The following SLC28A3 variants were observed in gnomAD, a reference collection of about 807,000 sequenced individuals.
SLC28A3 encodes the protein solute carrier family 28 member 3.
Under a neutral mutation model 84.2 loss-of-function variants are expected in SLC28A3, and 68 were observed. That is an observed-to-expected ratio of 0.81 (90% confidence interval 0.66 to 0.99). The LOEUF (loss-of-function observed/expected upper bound fraction) is 0.99, where lower values mean the gene tolerates loss of function less well. Among genes scored for constraint, SLC28A3 ranks in the 50% least tolerant of loss-of-function variants. The probability of loss-of-function intolerance (pLI) is 0.00; values close to 1 mark genes in which losing one functional copy is unlikely to be tolerated. For synonymous variants in SLC28A3, 267 were observed against 303.6 expected (o/e 0.88, Z 1.25); for missense variants, 712 against 841.5 (o/e 0.85, Z 1.90).
intron 9 of SLC28A3, 37 bp from the exon 10 acceptor site, chr9:84,292,785 T>C: frequency 1.4e-6 from 2 of 1,458,778 alleles, no homozygotes; most frequent in Non-Finnish European, 1.8e-6. Flanking sequence ...GCAAAGAACT[T>C]TTTGTATACC....
chr9:84,281,254 C>T (rs79594825), intron 14 of SLC28A3, among the ~76,000 whole-genome samples: 2,634 of 152,220 alleles, frequency 0.017, 73 homozygotes, highest in African/African-American at 0.053. Flanking sequence ...AAAATATTCA[C>T]ATTACATTTA....
Position 84,292,678 on chromosome 9 carries a change from A to G in SLC28A3, c.1013T>C (p.Phe338Ser). Residue 338 changes from phenylalanine to serine, a missense_variant, in exon 10 of 18, where the codon TTT becomes TCT. Transcript: ENST00000376238. Reference protein sequence around the residue: ...IESVVASGNIFVGQTESPLLV... With the variant: ...IESVVASGNISVGQTESPLLV... Reference sequence around the variant, plus strand: ...GATATTACAACTTACTTGTCCAACAAATATATTGCCAGAAGCAACTACAGA... The same window carrying G: ...GATATTACAACTTACTTGTCCAACAGATATATTGCCAGAAGCAACTACAGA... 6.2e-7 allele frequency: 1 copy of G among 1,609,408 alleles called. No individual in the cohort carries two copies.
chr9:84,351,870 C>A, the SLC28A3 span, among the ~76,000 whole-genome samples: 1 of 147,532 alleles, frequency 6.8e-6, no homozygotes. Context: ...ATTTTACTCC[C>A]AAAGGGTTCA....
At chr9:84,350,242 G>C in the SLC28A3 span, among the ~76,000 whole-genome samples, 1 of 152,180 alleles carries the variant, frequency 6.6e-6, no homozygotes, top group African/African-American at 2.4e-5. Context: ...TGGAGTTCAA[G>C]ACCAGCCTGA....
intron 3 of SLC28A3, 106 bp downstream of exon 3, chr9:84,309,523 C>CAAAAAAAAAAAAAAA (rs71366931): frequency 1.3e-5 from 3 of 239,276 alleles, no homozygotes; most frequent in African/African-American, 1.1e-4. Context: ...ACTCTTATCT[C>CAAAAAAAAAAAAAAA]AAAAAAAAAA....
intron 1 of SLC28A3, among the ~76,000 whole-genome samples, chr9:84,337,690 T>C (rs1827029961): frequency 1.3e-5 from 2 of 152,220 alleles, no homozygotes; most frequent in African/African-American, 4.8e-5. Context: ...GCAAACGTCT[T>C]ATTTGCAACT....
At chr9:84,366,234 T>C in the SLC28A3 span, among the ~76,000 whole-genome samples, 1 of 152,112 alleles carries the variant, frequency 6.6e-6, no homozygotes. Flanking sequence ...GAATTTCTGC[T>C]TATTTTAAAC....
chr9:84,281,958 T>G (rs1391511331), intron 14 of SLC28A3, among the ~76,000 whole-genome samples: 2 of 151,130 alleles, frequency 1.3e-5, no homozygotes, highest in African/African-American at 4.9e-5. Context: ...AAACACTGCC[T>G]CTACTAAAAA....
In SLC28A3 at chr9:84,276,835, A is replaced by C. The variant is rs1824543731; in HGVS notation, c.*1383T>G. 6.6e-6 allele frequency: 1 copy of C among 152,244 alleles called. No individual in the cohort carries two copies. The highest frequency in any genetic ancestry group is 1.9e-4 in the East Asian group (1 of 5,200). The allele number at this position is 152,244 out of a possible 1,614,324, so 9.4% of individuals were successfully genotyped here. ...TGTACACAAACAGAAGGAAAAATAG[A>C]AACAAAATAAATTACTTAAGGTATT... On this transcript the variant is annotated 3_prime_UTR_variant, in exon 18 of 18. Coordinates refer to ENST00000376238, the MANE Select transcript of SLC28A3 (RefSeq NM_001199633.2).
rs74329765 is a variant in SLC28A3, at chr9:84,304,058, T to G, written c.334+1196A>C. ...GCTGCAACCCTTTATGACTTTCCTTTCCAAATGTTTGAACCTCGTGATTGA... is the reference window on the plus strand; with the variant it reads ...GCTGCAACCCTTTATGACTTTCCTTGCCAAATGTTTGAACCTCGTGATTGA... On this transcript the variant is annotated intron_variant, in intron 4 of 17. Coordinates refer to ENST00000376238, the MANE Select transcript of SLC28A3 (RefSeq NM_001199633.2). Among the ~76,000 whole-genome samples, 1,495 of 152,364 alleles carry G rather than the reference T, an allele frequency of 9.8e-3. 30 individuals carry two copies. The highest frequency in any genetic ancestry group is 0.035 in the African/African-American group (1,441 of 41,578).
At position 84,278,094 on chromosome 9, in the gene SLC28A3, T is replaced by C; in HGVS notation, c.*124A>G. Reference sequence around the variant, plus strand: ...TCCACTCTTGTTTTTCTTCATTCCTTGCAATTAAAGCTGATTCCATTATGG... The same window carrying C: ...TCCACTCTTGTTTTTCTTCATTCCTCGCAATTAAAGCTGATTCCATTATGG... On this transcript the variant is annotated 3_prime_UTR_variant, in exon 18 of 18. Transcript: ENST00000376238. 5 of 1,284,752 alleles carry C rather than the reference T, an allele frequency of 3.9e-6. No homozygotes were observed. The highest frequency in any genetic ancestry group is 5.2e-5 in the Admixed American group (2 of 38,096). 79.6% of individuals were successfully genotyped at this position (1,284,752 alleles called of 1,614,324 possible). A position where few individuals can be genotyped will look rare whatever the true frequency, so the allele number is the denominator to read the frequency against.
chr9:84,288,161 C>T lies in SLC28A3; in HGVS notation c.1167G>A (p.Leu389=). ...GTGCTGACATAACTGACGCTGTTAA[C>T]AAGTGGGAGGATGGAACCTGCAATT... ...YISFGVPSSH[L]LTASVMSAPA... Residue 389 remains leucine, a synonymous_variant, in exon 12 of 18, where the codon TTG becomes TTA. Transcript: ENST00000376238. The T allele has an allele frequency of 6.2e-7, 1 of 1,614,050 alleles. No individual in the cohort carries two copies. The highest frequency in any genetic ancestry group is 8.5e-7 in the Non-Finnish European group (1 of 1,179,932).
the SLC28A3 span, among the ~76,000 whole-genome samples, chr9:84,354,512 TA>T: frequency 6.6e-6 from 1 of 152,188 alleles, no homozygotes; most frequent in Non-Finnish European, 1.5e-5. Flanking sequence ...TTGAAACACA[TA>T]AAACCTTCAA....
chr9:84,337,162 C>T lies in SLC28A3; in HGVS notation c.60+3412G>A, dbSNP rs117073502. On this transcript the variant is annotated intron_variant, in intron 1 of 17. Coordinates refer to ENST00000376238, the MANE Select transcript of SLC28A3 (RefSeq NM_001199633.2). Reference sequence around the variant, plus strand: ...ATATAAGAATACAATGCACTTGGTGCAAACCTCCGCCATTTTCCTTAACAT... The same window carrying T: ...ATATAAGAATACAATGCACTTGGTGTAAACCTCCGCCATTTTCCTTAACAT... 5.0e-3 allele frequency among the ~76,000 whole-genome samples: 756 copies of T among 152,240 alleles called. 12 individuals carry two copies. Among genetic ancestry groups the T allele is most frequent in the Non-Finnish European group, 2.0e-3 (138 of 68,020 alleles).
chr9:84,312,092 C>T (rs1303489423), intron 2 of SLC28A3, among the ~76,000 whole-genome samples: 1 of 152,200 alleles, frequency 6.6e-6, no homozygotes, highest in Non-Finnish European at 1.5e-5. Context: ...CACTGCATGT[C>T]TGAATGTACC....
chr9:84,359,684 G>T, the SLC28A3 span, among the ~76,000 whole-genome samples: 1 of 152,144 alleles, frequency 6.6e-6, no homozygotes, highest in Admixed American at 6.6e-5. Context: ...CCTAAGAAAA[G>T]ATAAAGTATT....
intron 6 of SLC28A3, among the ~76,000 whole-genome samples, chr9:84,298,765 AG>A (rs1825514016): frequency 2.0e-5 from 3 of 152,194 alleles, no homozygotes; most frequent in African/African-American, 7.2e-5. Context: ...ACAACCTGTA[AG>A]TGAATTAAGT....
upstream of SLC28A3, among the ~76,000 whole-genome samples, chr9:84,344,235 G>C (rs926246723): frequency 6.8e-6 from 1 of 146,396 alleles, no homozygotes; most frequent in East Asian, 2.0e-4. Flanking sequence ...TGTTGCCCAG[G>C]CTGGAGTGCA....
rs1824547340 is a variant in SLC28A3, at chr9:84,276,958, G to A, written c.*1260C>T. The A allele has an allele frequency of 6.6e-6, 1 of 152,222 alleles. No individual in the cohort carries two copies. Among genetic ancestry groups the A allele is most frequent in the Non-Finnish European group, 1.5e-5 (1 of 68,038 alleles). The allele number at this position is 152,222 out of a possible 1,614,324, so 9.4% of individuals were successfully genotyped here. A position where few individuals can be genotyped will look rare whatever the true frequency, so the allele number is the denominator to read the frequency against. Reference sequence around the variant, plus strand: ...GGTCTTCATGCTATTAAGAGCAGTGGTGATGGGCATTTCGTTAAAGAGCAC... The same window carrying A: ...GGTCTTCATGCTATTAAGAGCAGTGATGATGGGCATTTCGTTAAAGAGCAC... On this transcript the variant is annotated 3_prime_UTR_variant, in exon 18 of 18. Coordinates refer to ENST00000376238, the MANE Select transcript of SLC28A3 (RefSeq NM_001199633.2).
Sources: allele counts gnomAD v4.1 joint callset (sites outside exome capture counted in the v4.1 genomes callset), GRCh38; gene constraint gnomAD v4.1.1; transcripts MANE v1.5; gene names NCBI Gene and HGNC (gene_info 2026-07-23, HGNC 2026-07-21).